MOB3B: variants seen among roughly 807,000 people sequenced by gnomAD.
The protein encoded by MOB3B is MOB kinase activator-like 2B.
MOB3B carries 7 observed loss-of-function variants against 18.7 expected under a neutral mutation model. The ratio of observed to expected loss-of-function variants is 0.37; its 90% CI spans 0.21 to 0.70. The LOEUF is 0.70. Among genes scored for constraint, MOB3B ranks in the 30% least tolerant of loss-of-function variants. The pLI, the probability that MOB3B is intolerant of heterozygous loss-of-function variation, is 0.52. For synonymous variants in MOB3B, 111 were observed against 99.9 expected (o/e 1.11, Z -0.66); for missense variants, 253 against 281.3 (o/e 0.90, Z 0.72).
chr9:27,509,928 T>C (rs1453854474), intron 1 of MOB3B, among the ~76,000 whole-genome samples: 1 of 152,200 alleles, frequency 6.6e-6, no homozygotes, highest in African/African-American at 2.4e-5. Context: ...TTTCACCATA[T>C]TGCCCAGGCT....
chr9:27,359,742 C>A lies in MOB3B; in HGVS notation c.419-506G>T, dbSNP rs555970345. ...TGCATCACAGATTCCCCCTTCGTCT[C>A]TTTGAGGAAGGTAAGAGTTGGGAGG... On this transcript the variant is annotated intron_variant, in intron 2 of 3. Coordinates refer to ENST00000262244, the MANE Select transcript of MOB3B (RefSeq NM_024761.5). Among the ~76,000 whole-genome samples the A allele has an allele frequency of 1.3e-3, 198 of 152,246 alleles. 5 individuals carry two copies. Among genetic ancestry groups the A allele is most frequent in the Admixed American group, 0.013 (193 of 15,290 alleles).
chr9:27,476,107 CT>C (rs1378055839), intron 1 of MOB3B, among the ~76,000 whole-genome samples: 1 of 152,224 alleles, frequency 6.6e-6, no homozygotes, highest in Non-Finnish European at 1.5e-5. Flanking sequence ...GATTCTCTCC[CT>C]TACTTATCTG....
At position 27,330,487 on chromosome 9, in the gene MOB3B, G is replaced by C; in HGVS notation, c.*100C>G. ...CTTGCCTCCACCTCTGCTGTTCCTG[G>C]GAGTAGGTGTGTCATTTCAGCCAGG... On this transcript the variant is annotated 3_prime_UTR_variant, in exon 4 of 4. Transcript: ENST00000262244. 1.3e-6 allele frequency: 2 copies of C among 1,511,094 alleles called. No individual in the cohort carries two copies. Among genetic ancestry groups the C allele is most frequent in the African/African-American group, 1.4e-5 (1 of 72,516 alleles). The allele number at this position is 1,511,094 out of a possible 1,614,324, so 93.6% of individuals were successfully genotyped here.
chr9:27,454,827 A>C (rs1375904459), intron 2 of MOB3B, among the ~76,000 whole-genome samples: 3 of 152,238 alleles, frequency 2.0e-5, no homozygotes, highest in Admixed American at 6.5e-5. Context: ...TAATAATCTT[A>C]TCAAGATAAG....
At position 27,413,327 on chromosome 9, in the gene MOB3B, CT is replaced by C. The variant is rs1169434496; in HGVS notation, c.418+41805del. ...TTTCATTCTCGTTACTGAAATGGGA[CT>C]TTTTTTTTTTGTGGAGCTTAAAGTG... On this transcript the variant is annotated intron_variant, in intron 2 of 3. Transcript: ENST00000262244. 2.5e-3 allele frequency among the ~76,000 whole-genome samples: 364 copies of C among 145,430 alleles called. 3 individuals are homozygous for C. Among genetic ancestry groups the C allele is most frequent in the African/African-American group, 8.0e-3 (319 of 39,990 alleles).
At chr9:27,346,039 G>T (rs1030626720) in intron 3 of MOB3B, among the ~76,000 whole-genome samples, 5 of 152,154 alleles carry the variant, frequency 3.3e-5, no homozygotes, top group African/African-American at 1.2e-4. Context: ...GTATTAAGAG[G>T]TGGGGCCTTT....
At chr9:27,347,902 T>C (rs547109611) in intron 3 of MOB3B, among the ~76,000 whole-genome samples, 12 of 152,372 alleles carry the variant, frequency 7.9e-5, no homozygotes, top group African/African-American at 2.9e-4. Context: ...CTACACCATC[T>C]ATTTTTATGT....
chr9:27,470,620 A>T (rs142303671), intron 1 of MOB3B, among the ~76,000 whole-genome samples: 1 of 151,936 alleles, frequency 6.6e-6, no homozygotes, highest in Non-Finnish European at 1.5e-5. Flanking sequence ...CTCACAGCTC[A>T]CCCCCAACTT....
rs888460654 is a variant in MOB3B, at chr9:27,506,324, C to T, written c.-199+23231G>A. Among the ~76,000 whole-genome samples, 50 of 152,188 alleles carry T rather than the reference C, an allele frequency of 3.3e-4. 1 individual carries two copies. Among genetic ancestry groups the T allele is most frequent in the Admixed American group, 3.3e-3 (50 of 15,278 alleles). On this transcript the variant is annotated intron_variant, in intron 1 of 3. Transcript: ENST00000262244. ...TTTACAACCATCATCTATCTTTCAA[C>T]TACTACTCACTTGAACAAAACTTCC...
intron 1 of MOB3B, chr9:27,524,896 G>T (rs575580082): frequency 6.2e-7 from 1 of 1,612,260 alleles, no homozygotes; most frequent in Non-Finnish European, 8.5e-7. Context: ...GAGATTGTCC[G>T]AGTGGAAATC....
intron 1 of MOB3B, among the ~76,000 whole-genome samples, chr9:27,513,928 G>GATGGA (rs34834023): frequency 0.011 from 165 of 15,054 alleles, 4 homozygotes; most frequent in Middle Eastern, 0.033. Flanking sequence ...TGGATGGATG[G>GATGGA]TGGGTGGGTG....
chr9:27,337,005 G>A (rs149976084), intron 3 of MOB3B, among the ~76,000 whole-genome samples: 18 of 152,354 alleles, frequency 1.2e-4, no homozygotes, highest in African/African-American at 3.4e-4. Context: ...AATCAGCAGT[G>A]CAGCCTCAGT....
intron 2 of MOB3B, among the ~76,000 whole-genome samples, chr9:27,448,203 T>C (rs981141840): frequency 2.6e-5 from 4 of 152,224 alleles, no homozygotes; most frequent in Non-Finnish European, 5.9e-5. Flanking sequence ...GTTCTGCCTG[T>C]GTGACCCTGG....
At chr9:27,452,121 T>G (rs143329788) in intron 2 of MOB3B, among the ~76,000 whole-genome samples, 33 of 152,296 alleles carry the variant, frequency 2.2e-4, no homozygotes, top group South Asian at 4.1e-4. Context: ...AACATTTGTT[T>G]AACTTTGCTC....
intron 2 of MOB3B, among the ~76,000 whole-genome samples, chr9:27,451,107 T>C (rs897501707): frequency 6.6e-6 from 1 of 152,230 alleles, no homozygotes; most frequent in South Asian, 2.1e-4. Flanking sequence ...GGCTTTTTTC[T>C]ATCAGGTCTA....
intron 1 of MOB3B, among the ~76,000 whole-genome samples, chr9:27,458,812 T>C (rs1482981658): frequency 6.6e-6 from 1 of 152,048 alleles, no homozygotes; most frequent in East Asian, 1.9e-4. Flanking sequence ...CGCTCTGGCC[T>C]GATACCAGTC....
At chr9:27,494,268 T>A (rs1348949705) in intron 1 of MOB3B, among the ~76,000 whole-genome samples, 1 of 152,200 alleles carries the variant, frequency 6.6e-6, no homozygotes, top group Non-Finnish European at 1.5e-5. Context: ...GGTCCTATGA[T>A]CTCGCCCTGC....
intron 1 of MOB3B, among the ~76,000 whole-genome samples, chr9:27,490,337 A>G (rs1396204989): frequency 1.3e-5 from 2 of 152,176 alleles, no homozygotes; most frequent in Non-Finnish European, 2.9e-5. Flanking sequence ...GAGAGATTAG[A>G]CACAGACACA....
At chr9:27,423,123 T>C (rs1379067972) in intron 2 of MOB3B, among the ~76,000 whole-genome samples, 1 of 152,204 alleles carries the variant, frequency 6.6e-6, no homozygotes, top group Non-Finnish European at 1.5e-5. Context: ...ACATTTTTAG[T>C]GCCTATTATG....
Sources: gnomAD v4.1 joint callset for allele counts (sites outside exome capture counted in the v4.1 genomes callset) on GRCh38, gnomAD v4.1.1 for gene constraint, MANE v1.5 for transcripts, NCBI Gene and HGNC (gene_info 2026-07-23, HGNC 2026-07-21) for gene names.